TRAPPC11: variants seen among roughly 807,000 people sequenced by gnomAD.
The protein encoded by TRAPPC11 is foie gras homolog.
Under a neutral mutation model 151.2 loss-of-function variants are expected in TRAPPC11, and 104 were observed. The observed-to-expected ratio is 0.69, with a 90% CI of 0.59 to 0.81. The LOEUF (loss-of-function observed/expected upper bound fraction) is 0.81. Ranked by LOEUF, TRAPPC11 falls within the 30% of genes least tolerant of loss-of-function variation. The probability of loss-of-function intolerance (pLI) is 0.00; values close to 1 mark genes in which losing one functional copy is unlikely to be tolerated. For missense variants in TRAPPC11, 1,230 were observed against 1,349.6 expected, an observed-to-expected ratio of 0.91 and a Z score of 1.39; for synonymous variants, 456 against 472.3, an observed-to-expected ratio of 0.97 and a Z score of 0.45.
At chr4:183,661,293 G>T (rs996010274) in intron 1 of TRAPPC11, among the ~76,000 whole-genome samples, 3 of 150,096 alleles carry the variant, frequency 2.0e-5, no homozygotes, top group African/African-American at 7.4e-5. Context: ...TAGCCTAAGT[G>T]TGCCTCACTT....
intron 10 of TRAPPC11, among the ~76,000 whole-genome samples, chr4:183,680,726 C>T (rs898977870): frequency 1.0e-4 from 12 of 120,496 alleles, no homozygotes; most frequent in Non-Finnish European, 1.9e-4. Context: ...CTCTTGTTGC[C>T]CAGGCTAGAG....
chr4:183,681,778 G>GAA (rs11372598), intron 10 of TRAPPC11, among the ~76,000 whole-genome samples: 4 of 150,022 alleles, frequency 2.7e-5, no homozygotes, highest in Non-Finnish European at 3.0e-5. Context: ...GTCTCAAAAA[G>GAA]AAAAAAAAAG....
At chr4:183,694,945 C>CTTTTT (rs34556587) in intron 23 of TRAPPC11, among the ~76,000 whole-genome samples, 49 of 119,794 alleles carry the variant, frequency 4.1e-4, no homozygotes, top group Non-Finnish European at 5.7e-4. Context: ...TATGGCTTTT[C>CTTTTT]TTTTTTTTTT....
chr4:183,684,795 C>T lies in TRAPPC11; in HGVS notation c.1521C>T (p.Ala507=). ...TTALKCSYLM[A]QLKDYITYSL... ...CTCTGAAGTGCTCCTACCTCATGGCCCAATTAAAGGATTACATTACTTACT... is the reference window on the plus strand; with the variant it reads ...CTCTGAAGTGCTCCTACCTCATGGCTCAATTAAAGGATTACATTACTTACT... The change falls in exon 15 of 30, where the codon GCC becomes GCT. Residue 507 remains alanine, a synonymous_variant. Transcript: ENST00000334690. 1 of 1,613,724 alleles carries T rather than the reference C, an allele frequency of 6.2e-7. No homozygotes were observed. The highest frequency in any genetic ancestry group is 8.5e-7 in the Non-Finnish European group (1 of 1,179,820).
In TRAPPC11 at chr4:183,673,646, C is replaced by A. The variant is rs542695824; in HGVS notation, c.561-1067C>A. Among the ~76,000 whole-genome samples, 5 of 152,088 alleles carry A rather than the reference C, an allele frequency of 3.3e-5. No homozygotes were observed. The East Asian group carries it at 7.7e-4, about 24-fold the overall frequency. On this transcript the variant is annotated intron_variant, in intron 5 of 29. Transcript: ENST00000334690. ...ACTTGATTGCACCACTGCACTCCAG[C>A]CTGGGCAACAGAGCGGGACCCTGTC...
intron 3 of TRAPPC11, 66 bp from the exon 4 acceptor site, chr4:183,666,994 A>T (rs1734915040): frequency 2.2e-5 from 29 of 1,336,332 alleles, no homozygotes; most frequent in Non-Finnish European, 3.0e-5. Context: ...GTTGTATTTT[A>T]TGTGAAGTCA....
intron 1 of TRAPPC11, among the ~76,000 whole-genome samples, chr4:183,661,169 A>G (rs946382812): frequency 5.9e-5 from 9 of 152,050 alleles, no homozygotes; most frequent in Non-Finnish European, 1.0e-4. Context: ...CAAGCTTTGC[A>G]AATCATTTAT....
chr4:183,701,568 ACTTT>A, intron 25 of TRAPPC11, 125 bp from the exon 26 acceptor site: 1 of 639,742 alleles, frequency 1.6e-6, no homozygotes, highest in Non-Finnish European at 2.8e-6. Context: ...TCTGAACCCT[ACTTT>A]CTAAGTCTCT....
chr4:183,665,534 T>C (rs995841479), intron 2 of TRAPPC11, among the ~76,000 whole-genome samples: 6 of 152,240 alleles, frequency 3.9e-5, no homozygotes, highest in African/African-American at 1.4e-4. Context: ...CCCATGTTAT[T>C]TTGTGTCAGA....
chr4:183,690,094 T>C (rs1401362122), intron 18 of TRAPPC11, among the ~76,000 whole-genome samples: 2 of 152,024 alleles, frequency 1.3e-5, no homozygotes, highest in African/African-American at 4.8e-5. Flanking sequence ...TCTCAGCTAC[T>C]TGGGAGGCTG....
intron 17 of TRAPPC11, 131 bp from the exon 18 acceptor site, chr4:183,686,487 C>T (rs1009480942): frequency 4.9e-6 from 5 of 1,010,538 alleles, no homozygotes; most frequent in Admixed American, 4.9e-5. Flanking sequence ...CTTGAAGTGC[C>T]TTAAGTGCAG....
At chr4:183,685,517 A>G in intron 17 of TRAPPC11, 114 bp downstream of exon 17, 1 of 1,241,928 alleles carries the variant, frequency 8.1e-7, no homozygotes, top group Non-Finnish European at 1.1e-6. Context: ...AAGTATAATC[A>G]TGTTATAGAT....
At chr4:183,712,533 C>A in intron 29 of TRAPPC11, 67 bp from the exon 30 acceptor site, 2 of 1,414,104 alleles carry the variant, frequency 1.4e-6, no homozygotes, top group South Asian at 2.4e-5. Context: ...AAAATCCTTC[C>A]AGTTAATAGA....
chr4:183,686,583 T>G, intron 17 of TRAPPC11, 35 bp from the exon 18 acceptor site: 1 of 1,608,872 alleles, frequency 6.2e-7, no homozygotes, highest in Middle Eastern at 1.7e-4. Context: ...GGGTATCTGG[T>G]TGTGCATAAC....
Position 183,676,376 on chromosome 4 carries a change from C to T in TRAPPC11, c.735-1082C>T, listed in dbSNP as rs374720931. Among the ~76,000 whole-genome samples the T allele has an allele frequency of 5.0e-4, 76 of 152,242 alleles. No individual in the cohort carries two copies. In the East Asian group the frequency reaches 7.3e-3, roughly 15 times the overall value. ...TGTTGGCCATGCTGGTCTCGAACTCCTGACCTCAGGTGATCCACCCACCTT... is the reference window on the plus strand; with the variant it reads ...TGTTGGCCATGCTGGTCTCGAACTCTTGACCTCAGGTGATCCACCCACCTT... On this transcript the variant is annotated intron_variant, in intron 7 of 29. Transcript: ENST00000334690.
At chr4:183,677,365 G>A (rs984825154) in intron 7 of TRAPPC11, 93 bp from the exon 8 acceptor site, 4 of 789,952 alleles carry the variant, frequency 5.1e-6, no homozygotes, top group Non-Finnish European at 8.9e-6. Flanking sequence ...GCACTAAAAT[G>A]TTGAGTAAAT....
rs764713550 is a variant in TRAPPC11 at position 183,693,640 on chromosome 4, T to C, written c.2289T>C (p.Pro763=). 18 of 1,614,048 alleles carry C rather than the reference T, an allele frequency of 1.1e-5. No homozygotes were observed. In the South Asian group the frequency reaches 1.9e-4, roughly 17 times the overall value. Residue 763 remains proline (P), a synonymous_variant, in exon 21 of 30, where the codon CCT becomes CCC. Transcript: ENST00000334690. Reference sequence around the variant, plus strand: ...CTGTACATCTGCTACATGAACCCCCTGCACTGACTAATGAAATGTATTGTT... The same window carrying C: ...CTGTACATCTGCTACATGAACCCCCCGCACTGACTAATGAAATGTATTGTT... ...NISVHLLHEP[P]ALTNEMYCLV... is the part of the protein sequence containing the mutation.
chr4:183,667,248 T>C (rs956537593), intron 4 of TRAPPC11, 118 bp downstream of exon 4: 2 of 720,976 alleles, frequency 2.8e-6, no homozygotes, highest in East Asian at 2.6e-5. Context: ...GCTGATAGTA[T>C]GTTAACTTTA....
At chr4:183,688,779 T>C (rs960625023) in intron 18 of TRAPPC11, among the ~76,000 whole-genome samples, 1 of 152,138 alleles carries the variant, frequency 6.6e-6, no homozygotes, top group African/African-American at 2.4e-5. Flanking sequence ...AAGGCTGCAC[T>C]CTATCTCCCA....
Sources: allele counts gnomAD v4.1 joint callset (sites outside exome capture counted in the v4.1 genomes callset), GRCh38; gene constraint gnomAD v4.1.1; transcripts MANE v1.5; gene names NCBI Gene and HGNC (gene_info 2026-07-23, HGNC 2026-07-21).